Variants in PIBF1 observed in about 807,000 individuals in gnomAD.
The protein encoded by PIBF1 is progesterone immunomodulatory binding factor 1.
PIBF1 carries 90 observed loss-of-function variants against 112.5 expected under a neutral mutation model. That is an observed-to-expected ratio of 0.80 (90% confidence interval 0.67 to 0.95). PIBF1 has a LOEUF of 0.95. Ranked by LOEUF, PIBF1 falls within the 40% of genes least tolerant of loss-of-function variation. The pLI is 0.00. For synonymous variants in PIBF1, 301 were observed against 288.6 expected, an observed-to-expected ratio of 1.04 and a Z score of -0.44; for missense variants, 915 against 852.3, an observed-to-expected ratio of 1.07 and a Z score of -0.92.
At chr13:72,973,746 A>T in intron 16 of PIBF1, 71 bp downstream of exon 16, 1 of 810,390 alleles carries the variant, frequency 1.2e-6, no homozygotes, top group Non-Finnish European at 2.1e-6. Context: ...GGTTAAAATT[A>T]TTGGATCCCA....
intron 17 of PIBF1, among the ~76,000 whole-genome samples, chr13:73,001,843 C>G (rs749183208): frequency 4.0e-4 from 61 of 152,038 alleles, no homozygotes; most frequent in Non-Finnish European, 8.7e-4. Context: ...AGGCTGGTCT[C>G]AAACTCCTGA....
At chr13:72,951,954 G>A (rs2042308457) in intron 14 of PIBF1, among the ~76,000 whole-genome samples, 3 of 151,904 alleles carry the variant, frequency 2.0e-5, no homozygotes, top group Admixed American at 6.6e-5. Flanking sequence ...CAAGTGAGCC[G>A]CTTGCCTCGG....
intron 11 of PIBF1, among the ~76,000 whole-genome samples, chr13:72,899,913 G>T (rs2040420519): frequency 6.6e-6 from 1 of 152,104 alleles, no homozygotes; most frequent in Non-Finnish European, 1.5e-5. Flanking sequence ...AAAGTTTCCG[G>T]ATACAAGATT....
In PIBF1 at chr13:72,800,088, T is replaced by C. The variant is rs572685816; in HGVS notation, c.672+2062T>C. Among the ~76,000 whole-genome samples, 4 of 152,342 alleles carry C rather than the reference T, an allele frequency of 2.6e-5. No homozygotes were observed. In the East Asian group the frequency reaches 7.7e-4, roughly 29 times the overall value. ...CCTTGCTCAGTCGCCCCAGCTGGAG[T>C]GCAGTGGTGCCATGTCTGCTCATTG... On this transcript the variant is annotated intron_variant, in intron 5 of 17. Transcript: ENST00000326291.
chr13:72,783,798 A>G, intron 2 of PIBF1, 77 bp downstream of exon 2: 1 of 1,216,082 alleles, frequency 8.2e-7, no homozygotes, highest in Non-Finnish European at 1.2e-6. Context: ...TTAAATACAC[A>G]CATTATCTGA....
chr13:72,987,751 A>G (rs1421820062), intron 16 of PIBF1, among the ~76,000 whole-genome samples: 1 of 148,988 alleles, frequency 6.7e-6, no homozygotes, highest in Non-Finnish European at 1.5e-5. Flanking sequence ...GACTCAAGCA[A>G]TCCACCTGCC....
intron 16 of PIBF1, among the ~76,000 whole-genome samples, chr13:72,985,720 T>A (rs1003967002): frequency 5.9e-5 from 9 of 152,112 alleles, no homozygotes; most frequent in Admixed American, 2.6e-4. Context: ...GAATACAACA[T>A]GGAGAAGGTA....
chr13:72,855,315 G>T (rs946026163), intron 10 of PIBF1, among the ~76,000 whole-genome samples: 1 of 152,070 alleles, frequency 6.6e-6, no homozygotes, highest in Non-Finnish European at 1.5e-5. Flanking sequence ...TTGGCCTATG[G>T]AAGAATTTTA....
chr13:72,901,187 G>A (rs1028257539), intron 11 of PIBF1: 3 of 289,500 alleles, frequency 1.0e-5, no homozygotes, highest in Admixed American at 4.6e-5. Context: ...ATGAATATCC[G>A]GAATCTACAG....
intron 10 of PIBF1, among the ~76,000 whole-genome samples, chr13:72,867,328 C>T (rs989659634): frequency 6.6e-6 from 1 of 152,124 alleles, no homozygotes; most frequent in Non-Finnish European, 1.5e-5. Flanking sequence ...CATTAAACCT[C>T]TTTTTTTGTA....
At chr13:72,868,957 C>T (rs1298934606) in intron 10 of PIBF1, among the ~76,000 whole-genome samples, 1 of 151,706 alleles carries the variant, frequency 6.6e-6, no homozygotes, top group East Asian at 1.9e-4. Context: ...ATTAAAAAGT[C>T]AGGAAACAAC....
At chr13:72,907,891 A>G (rs549468183) in intron 11 of PIBF1, among the ~76,000 whole-genome samples, 3 of 152,226 alleles carry the variant, frequency 2.0e-5, no homozygotes, top group South Asian at 4.1e-4. Flanking sequence ...ATGAATTACC[A>G]TTGGAGTGTA....
intron 11 of PIBF1, among the ~76,000 whole-genome samples, chr13:72,894,806 T>C (rs2040212954): frequency 6.9e-6 from 1 of 145,556 alleles, no homozygotes; most frequent in Non-Finnish European, 1.5e-5. Context: ...TGTGTGTGTG[T>C]AGCTATAAAG....
chr13:72,884,787 T>C (rs896292062), intron 10 of PIBF1: 1 of 152,146 alleles, frequency 6.6e-6, no homozygotes, highest in African/African-American at 2.4e-5. Flanking sequence ...TAAGATTATA[T>C]TTACTATCTA....
chr13:72,953,556 T>C (rs372000804), intron 14 of PIBF1, among the ~76,000 whole-genome samples: 55 of 151,900 alleles, frequency 3.6e-4, no homozygotes, highest in African/African-American at 1.3e-3. Context: ...AGGAGAGGAG[T>C]GACGTAGACT....
intron 5 of PIBF1, among the ~76,000 whole-genome samples, chr13:72,806,085 T>C (rs1051022829): frequency 6.6e-6 from 1 of 152,232 alleles, no homozygotes; most frequent in African/African-American, 2.4e-5. Context: ...TAACATTAAA[T>C]TTAAGACTTT....
rs1555296160 is a variant in PIBF1, at chr13:72,844,756, C to CACACGGATGAAGTCTTACTGTTT, written c.1224-9297_1224-9296insGGATGAAGTCTTACTGTTTACAC. 1.4e-3 allele frequency among the ~76,000 whole-genome samples: 160 copies of CACACGGATGAAGTCTTACTGTTT among 115,228 alleles called. 2 individuals are homozygous for CACACGGATGAAGTCTTACTGTTT. Among genetic ancestry groups the CACACGGATGAAGTCTTACTGTTT allele is most frequent in the Admixed American group, 2.7e-3 (31 of 11,660 alleles). The allele number at this position is 115,228 out of a possible 152,430, so 75.6% of individuals were successfully genotyped here. On this transcript the variant is annotated intron_variant, in intron 9 of 17. Transcript: ENST00000326291. The stretch of plus-strand genomic sequence containing the variant: ...ACACACACACACACACACACACACA[C>CACACGGATGAAGTCTTACTGTTT]ACACACACACACACACACACACACA...
intron 9 of PIBF1, among the ~76,000 whole-genome samples, chr13:72,851,431 C>T (rs923408991): frequency 6.6e-6 from 1 of 152,250 alleles, no homozygotes; most frequent in African/African-American, 2.4e-5. Context: ...TGCTGACACC[C>T]CAGCCCCCTG....
intron 10 of PIBF1, among the ~76,000 whole-genome samples, chr13:72,888,012 C>A (rs908556451): frequency 5.3e-5 from 8 of 152,122 alleles, no homozygotes; most frequent in Admixed American, 1.3e-4. Context: ...TTTTACAGCA[C>A]AGTTCTTGGA....
Sources: allele counts gnomAD v4.1 joint callset (sites outside exome capture counted in the v4.1 genomes callset), GRCh38; gene constraint gnomAD v4.1.1; transcripts MANE v1.5; gene names NCBI Gene and HGNC (gene_info 2026-07-23, HGNC 2026-07-21).